The following GALR1 variants were observed in gnomAD, a reference collection of about 807,000 sequenced individuals.
The protein encoded by GALR1 is galanin receptor 1.
A neutral mutation model predicts 17.9 loss-of-function variants in GALR1; 11 were observed. The ratio of observed to expected loss-of-function variants is 0.62; its 90% confidence interval spans 0.39 to 1.02. The LOEUF is 1.02. Ranked by LOEUF, GALR1 falls within the 50% of genes least tolerant of loss-of-function variation. The pLI is 0.01. For synonymous variants in GALR1, 206 were observed against 205.7 expected, an observed-to-expected ratio of 1.00 and a Z score of -0.01; for missense variants, 441 against 456.9, an observed-to-expected ratio of 0.97 and a Z score of 0.32.
At chr18:77,254,634 C>A (rs1912546189) in intron 1 of GALR1, among the ~76,000 whole-genome samples, 1 of 152,230 alleles carries the variant, frequency 6.6e-6, no homozygotes, top group South Asian at 2.1e-4. Context: ...CTAGGCAGTC[C>A]TGTCCTCTTG....
chr18:77,261,743 T>C (rs1047307388), intron 2 of GALR1, among the ~76,000 whole-genome samples: 10 of 152,196 alleles, frequency 6.6e-5, no homozygotes, highest in African/African-American at 2.4e-4. Flanking sequence ...TGCCTTTAAA[T>C]TGAGGTGGGG....
chr18:77,258,857 G>GTCA (rs1912703063), intron 2 of GALR1, among the ~76,000 whole-genome samples: 1 of 112,574 alleles, frequency 8.9e-6, no homozygotes, highest in Non-Finnish European at 1.8e-5. Flanking sequence ...GGTGGTGATG[G>GTCA]TGGTGGTGAT....
At position 77,268,707 on chromosome 18, in the gene GALR1, A is replaced by C. The variant is rs768129249; in HGVS notation, c.855A>C (p.Arg285Ser). 6.2e-7 allele frequency: 1 copy of C among 1,614,154 alleles called. No individual in the cohort carries two copies. The highest frequency in any genetic ancestry group is 8.5e-7 in the Non-Finnish European group (1 of 1,180,034). The change falls in exon 3 of 3, where the codon AGA becomes AGC. Residue 285 changes from arginine to serine, a missense_variant. Arg to Ser is a moderately radical substitution (Grantham distance 110). Transcript: ENST00000299727. Reference protein sequence around the residue: ...FPLTPASFLFRITAHCLAYSN... With the variant: ...FPLTPASFLFSITAHCLAYSN... ...TGACGCCGGCTTCCTTCCTCTTCAG[A>C]ATCACCGCCCACTGCCTGGCGTACA...
intron 2 of GALR1, among the ~76,000 whole-genome samples, chr18:77,264,905 A>G (rs1912914094): frequency 1.3e-5 from 2 of 152,152 alleles, no homozygotes; most frequent in Non-Finnish European, 2.9e-5. Context: ...GCCACCACAC[A>G]TGGGGATTAT....
rs968238038 is a variant in GALR1 at position 77,250,508 on chromosome 18, C to T, written c.-41C>T. ...CGGCGCCTACTATCCCGCCCTCCCT[C>T]CCCGCGCGCCCCGCCGCTCGCCGGG... On this transcript the variant is annotated 5_prime_UTR_variant, in exon 1 of 3. Coordinates refer to ENST00000299727, the MANE Select transcript of GALR1 (RefSeq NM_001480.4). 1 of 1,428,520 alleles carries T rather than the reference C, an allele frequency of 7.0e-7. No homozygotes were observed. 88.5% of individuals were successfully genotyped at this position (1,428,520 alleles called of 1,614,324 possible).
rs908166481 is a variant in GALR1 at position 77,269,618 on chromosome 18, A to G, written c.*716A>G. ...CTGTGAAACTGGCTTTATAGAGTTAACAAAACAGAGTCAGAGACCACTGTC... is the reference window on the plus strand; with the variant it reads ...CTGTGAAACTGGCTTTATAGAGTTAGCAAAACAGAGTCAGAGACCACTGTC... On this transcript the variant is annotated 3_prime_UTR_variant, in exon 3 of 3. Coordinates refer to ENST00000299727, the MANE Select transcript of GALR1 (RefSeq NM_001480.4). 6.6e-6 allele frequency: 1 copy of G among 152,270 alleles called. No individual in the cohort carries two copies. The highest frequency in any genetic ancestry group is 1.5e-5 in the Non-Finnish European group (1 of 68,048). 9.4% of individuals were successfully genotyped at this position (152,270 alleles called of 1,614,324 possible). A position where few individuals can be genotyped will look rare whatever the true frequency, so the allele number is the denominator to read the frequency against.
chr18:77,256,502 A>G (rs79932311), intron 2 of GALR1, among the ~76,000 whole-genome samples: 1 of 39,668 alleles, frequency 2.5e-5, no homozygotes, highest in Non-Finnish European at 4.8e-5. Flanking sequence ...CCAGGAGGTG[A>G]GTGCACTTAG....
chr18:77,250,806 C>T lies in GALR1; in HGVS notation c.258C>T (p.Leu86=), dbSNP rs1183884317. 9.9e-6 allele frequency: 16 copies of T among 1,614,012 alleles called. No individual in the cohort carries two copies. The highest frequency in any genetic ancestry group is 2.2e-5 in the South Asian group (2 of 91,086). The change falls in exon 1 of 3, where the codon CTC becomes CTT. Residue 86 remains leucine, a synonymous_variant. Transcript: ENST00000299727. ...NLSIADLAYL[L]FCIPFQATVY... ...GCATCGCCGACCTGGCCTACCTGCTCTTCTGCATCCCCTTCCAGGCCACCG... is the reference window on the plus strand; with the variant it reads ...GCATCGCCGACCTGGCCTACCTGCTTTTCTGCATCCCCTTCCAGGCCACCG...
Position 77,269,426 on chromosome 18 carries a change from T to G in GALR1, c.*524T>G, listed in dbSNP as rs964613212. 3.9e-5 allele frequency: 6 copies of G among 153,022 alleles called. No individual in the cohort carries two copies. Among genetic ancestry groups the G allele is most frequent in the African/African-American group, 1.4e-4 (6 of 41,474 alleles). 9.5% of individuals were successfully genotyped at this position (153,022 alleles called of 1,614,324 possible). On this transcript the variant is annotated 3_prime_UTR_variant, in exon 3 of 3. Transcript: ENST00000299727. ...CATATCTATTAAGTGGAAAGAAGGC[T>G]TTCTGAAGTCTGTTTGCACAGGTGG...
rs1318814936 is a variant in GALR1 at position 77,272,284 on chromosome 18, C to T, written c.*3382C>T. 1 of 152,234 alleles carries T rather than the reference C, an allele frequency of 6.6e-6. No homozygotes were observed. The highest frequency in any genetic ancestry group is 6.5e-5 in the Admixed American group (1 of 15,280). 9.4% of individuals were successfully genotyped at this position (152,234 alleles called of 1,614,324 possible). On this transcript the variant is annotated 3_prime_UTR_variant, in exon 3 of 3. Transcript: ENST00000299727. ...CGAAATCATATTGCATTCCTGCATT[C>T]TCCCAGATGCTTTGAGGCAGTGCAG...
intron 2 of GALR1, among the ~76,000 whole-genome samples, chr18:77,260,278 G>A (rs1217828151): frequency 6.6e-6 from 1 of 152,162 alleles, no homozygotes; most frequent in Non-Finnish European, 1.5e-5. Flanking sequence ...AGTGGAAGGT[G>A]AAAGGCAGCT....
In GALR1 at chr18:77,275,810, A is replaced by T. The variant is rs1035104199; in HGVS notation, c.*6908A>T. 11 of 152,310 alleles carry T rather than the reference A, an allele frequency of 7.2e-5. No homozygotes were observed. In the East Asian group the frequency reaches 2.1e-3, roughly 29 times the overall value. 9.4% of individuals were successfully genotyped at this position (152,310 alleles called of 1,614,324 possible). On this transcript the variant is annotated 3_prime_UTR_variant, in exon 3 of 3. Coordinates refer to ENST00000299727, the MANE Select transcript of GALR1 (RefSeq NM_001480.4). ...CTAGAGAGAATTTCCTGGTATGTCAATGTAGCTTCAGAAATAGGTCTCAGT... is the reference window on the plus strand; with the variant it reads ...CTAGAGAGAATTTCCTGGTATGTCATTGTAGCTTCAGAAATAGGTCTCAGT...
In GALR1 at chr18:77,259,974, C is replaced by T. The variant is rs572329848; in HGVS notation, c.732+3751C>T. Among the ~76,000 whole-genome samples, 6 of 152,080 alleles carry T rather than the reference C, an allele frequency of 3.9e-5. 1 individual carries two copies. The South Asian group carries it at 6.2e-4, about 16-fold the overall frequency. ...CACAGAAAATTGCTACTGGTGCACACGTGTTCATCATTTGATTGGTAATGG... is the reference window on the plus strand; with the variant it reads ...CACAGAAAATTGCTACTGGTGCACATGTGTTCATCATTTGATTGGTAATGG... On this transcript the variant is annotated intron_variant, in intron 2 of 2. Transcript: ENST00000299727.
At chr18:77,252,803 G>A (rs1383753557) in intron 1 of GALR1, among the ~76,000 whole-genome samples, 1 of 149,286 alleles carries the variant, frequency 6.7e-6, no homozygotes, top group Non-Finnish European at 1.5e-5. Context: ...AGCCGAAATC[G>A]TGCCACTGAA....
intron 1 of GALR1, 97 bp from the exon 2 acceptor site, chr18:77,256,061 A>T: frequency 2.8e-6 from 2 of 713,094 alleles, no homozygotes; most frequent in Non-Finnish European, 2.5e-6. Context: ...ATAAATAGTG[A>T]TGTTACCATT....
rs918893879 is a variant in GALR1 at position 77,272,082 on chromosome 18, T to A, written c.*3180T>A. 1 of 152,238 alleles carries A rather than the reference T, an allele frequency of 6.6e-6. No homozygotes were observed. The highest frequency in any genetic ancestry group is 2.4e-5 in the African/African-American group (1 of 41,458). The allele number at this position is 152,238 out of a possible 1,614,324, so 9.4% of individuals were successfully genotyped here. On this transcript the variant is annotated 3_prime_UTR_variant, in exon 3 of 3. Coordinates refer to ENST00000299727, the MANE Select transcript of GALR1 (RefSeq NM_001480.4). The stretch of plus-strand genomic sequence containing the variant: ...TAAAACCATTTCCGCCCCATCCCAA[T>A]CTCTTGTGCTTTTATCTTTTTTATC...
chr18:77,256,621 C>A (rs969889430), intron 2 of GALR1, among the ~76,000 whole-genome samples: 1 of 151,986 alleles, frequency 6.6e-6, no homozygotes, highest in Non-Finnish European at 1.5e-5. Flanking sequence ...TCCGAAAAGC[C>A]CTGGTTTGGT....
chr18:77,268,968 A>G lies in GALR1; in HGVS notation c.*66A>G, dbSNP rs533528586. On this transcript the variant is annotated 3_prime_UTR_variant, in exon 3 of 3. Coordinates refer to ENST00000299727, the MANE Select transcript of GALR1 (RefSeq NM_001480.4). The stretch of plus-strand genomic sequence containing the variant: ...TGGACCAGACACAGAAACAAACAGA[A>G]TGAGCTAGTAAGCGATGCTGCAACT... 2 of 1,197,882 alleles carry G rather than the reference A, an allele frequency of 1.7e-6. No individual in the cohort carries two copies. The highest frequency in any genetic ancestry group is 1.4e-5 in the South Asian group (1 of 71,112). 74.2% of individuals were successfully genotyped at this position (1,197,882 alleles called of 1,614,324 possible).
intron 1 of GALR1, among the ~76,000 whole-genome samples, chr18:77,255,881 C>A (rs566723657): frequency 1.2e-4 from 19 of 152,274 alleles, no homozygotes; most frequent in African/African-American, 4.6e-4. Flanking sequence ...GGCAAAACCC[C>A]AGAGCTCCAC....
Sources: allele counts gnomAD v4.1 joint callset (sites outside exome capture counted in the v4.1 genomes callset), GRCh38; gene constraint gnomAD v4.1.1; transcripts MANE v1.5; gene names NCBI Gene and HGNC (gene_info 2026-07-23, HGNC 2026-07-21).